Variants in PANK3 observed in about 807,000 individuals in gnomAD.
PANK3 encodes the protein hPanK3.
In PANK3, 20 loss-of-function variants were observed where a neutral mutation model predicts 39.4. The observed-to-expected ratio is 0.51, with a 90% CI of 0.36 to 0.74. The LOEUF (loss-of-function observed/expected upper bound fraction) is 0.74, where lower values mean the gene tolerates loss of function less well. Ranked by LOEUF, PANK3 falls within the 30% of genes least tolerant of loss-of-function variation. PANK3 has a pLI of 0.00. For synonymous variants in PANK3, 140 were observed against 157.3 expected (o/e 0.89, Z 0.82); for missense variants, 265 against 437.0 (o/e 0.61, Z 3.51).
chr5:168,565,887 T>TATATATATATATATATATATATA lies in PANK3; in HGVS notation c.635+125_635+126insTATATATATATATATATATATAT, dbSNP rs57306546. ...AAAAAAAATATATATATATATATAT[T>TATATATATATATATATATATATA]TTTTTTTTTTGCTGTTGTGCAAATA... On this transcript the variant is annotated intron_variant, in intron 3 of 6. Transcript: ENST00000239231. The TATATATATATATATATATATATA allele has an allele frequency of 2.0e-4, 30 of 147,938 alleles. 2 individuals are homozygous for TATATATATATATATATATATATA. The highest frequency in any genetic ancestry group is 1.1e-3 in the East Asian group (3 of 2,804). The allele number at this position is 147,938 out of a possible 1,614,324, so 9.2% of individuals were successfully genotyped here.
In PANK3 at chr5:168,552,259, T is replaced by C. The variant is rs774255533; in HGVS notation, c.*5312A>G. On this transcript the variant is annotated 3_prime_UTR_variant, in exon 7 of 7. Transcript: ENST00000239231. The stretch of plus-strand genomic sequence containing the variant: ...TAGAAATTGGCTGCTCAAAGTCCAA[T>C]TTTAGAAATGAAGTCAATGGAATCA... 1.3e-5 allele frequency: 2 copies of C among 152,186 alleles called. No homozygotes were observed. The highest frequency in any genetic ancestry group is 2.4e-5 in the African/African-American group (1 of 41,428). 9.4% of individuals were successfully genotyped at this position (152,186 alleles called of 1,614,324 possible).
chr5:168,561,304 T>C (rs1417359576), intron 5 of PANK3, 89 bp downstream of exon 5: 10 of 1,216,068 alleles, frequency 8.2e-6, no homozygotes, highest in Non-Finnish European at 1.1e-5. Context: ...GAGGCCTCCT[T>C]AGGGAAAGTG....
chr5:168,577,839 G>A (rs1759752005), intron 1 of PANK3, among the ~76,000 whole-genome samples: 1 of 152,184 alleles, frequency 6.6e-6, no homozygotes, highest in African/African-American at 2.4e-5. Flanking sequence ...TCTAAGAGAA[G>A]CAGAGAAAAC....
At chr5:168,571,162 G>A (rs1209671069) in intron 1 of PANK3, among the ~76,000 whole-genome samples, 2 of 152,166 alleles carry the variant, frequency 1.3e-5, no homozygotes, top group Non-Finnish European at 2.9e-5. Context: ...GTTTTACAAC[G>A]TGATTTCCTT....
At chr5:168,571,415 C>G (rs1030742086) in intron 1 of PANK3, among the ~76,000 whole-genome samples, 3 of 152,170 alleles carry the variant, frequency 2.0e-5, no homozygotes, top group South Asian at 2.1e-4. Context: ...AAGTGTACCA[C>G]TTAGACAAGG....
At position 168,551,445 on chromosome 5, in the gene PANK3, C is replaced by T. The variant is rs527613960; in HGVS notation, c.*6126G>A. On this transcript the variant is annotated 3_prime_UTR_variant, in exon 7 of 7. Coordinates refer to ENST00000239231, the MANE Select transcript of PANK3 (RefSeq NM_024594.4). ...CTATCAGTTTTCACATGGCTTTAAA[C>T]AGTGAATTTCTAAACTACATTCTCA... 1.3e-5 allele frequency: 2 copies of T among 152,278 alleles called. No individual in the cohort carries two copies. The highest frequency in any genetic ancestry group is 3.9e-4 in the East Asian group (2 of 5,188). The allele number at this position is 152,278 out of a possible 1,614,324, so 9.4% of individuals were successfully genotyped here.
At chr5:168,565,542 T>C (rs1459911444) in intron 3 of PANK3, among the ~76,000 whole-genome samples, 11 of 151,784 alleles carry the variant, frequency 7.2e-5, no homozygotes, top group Admixed American at 6.6e-4. Flanking sequence ...CATAATAAAG[T>C]TTAAAATCAA....
intron 1 of PANK3, among the ~76,000 whole-genome samples, chr5:168,573,416 CAAAAAAAAAAAAAAAAAAA>C (rs574960925): frequency 5.9e-5 from 1 of 16,938 alleles, no homozygotes; most frequent in Non-Finnish European, 1.0e-4. Context: ...CTCAGCAAGG[CAAAAAAAAAAAAAAAAAAA>C]AAAAAAAAAA....
At chr5:168,563,563 G>T (rs1221942615) in intron 4 of PANK3, among the ~76,000 whole-genome samples, 1 of 150,914 alleles carries the variant, frequency 6.6e-6, no homozygotes, top group East Asian at 1.9e-4. Flanking sequence ...TTTCTATATG[G>T]ATACTTTAGA....
In PANK3 at chr5:168,559,062, A is replaced by C; in HGVS notation, c.1032T>G (p.Gly344=). ...LAYALDYWSK[G]QLKALFLEHE... ...GTTCTAGAAACAATGCTTTTAGTTG[A>C]CCTTTTGACCAGTAATCCAGTGCAT... The change falls in exon 6 of 7, where the codon GGT becomes GGG. Residue 344 remains glycine (G), a synonymous_variant. Transcript: ENST00000239231. The C allele has an allele frequency of 5.0e-6, 8 of 1,609,468 alleles. No individual in the cohort carries two copies. In the South Asian group the frequency reaches 8.8e-5, roughly 18 times the overall value.
At chr5:168,568,593 T>C in intron 2 of PANK3, 53 bp downstream of exon 2, 1 of 1,286,086 alleles carries the variant, frequency 7.8e-7, no homozygotes, top group Admixed American at 2.0e-5. Flanking sequence ...GGAAACCTAC[T>C]CTCATATTTA....
At chr5:168,576,980 A>T (rs896448759) in intron 1 of PANK3, among the ~76,000 whole-genome samples, 1 of 151,968 alleles carries the variant, frequency 6.6e-6, no homozygotes, top group Non-Finnish European at 1.5e-5. Flanking sequence ...CCTGGGTTCC[A>T]GCAATTCTCC....
At chr5:168,571,766 A>G (rs1759634408) in intron 1 of PANK3, among the ~76,000 whole-genome samples, 1 of 152,196 alleles carries the variant, frequency 6.6e-6, no homozygotes, top group South Asian at 2.1e-4. Flanking sequence ...AAATTAGTAT[A>G]TAATTTTTAA....
At chr5:168,567,786 A>AT (rs1326790717) in intron 2 of PANK3, among the ~76,000 whole-genome samples, 2 of 151,972 alleles carry the variant, frequency 1.3e-5, no homozygotes, top group Non-Finnish European at 2.9e-5. Context: ...TGCTGAGCTA[A>AT]TTTTTTTATT....
chr5:168,565,518 GAAC>G (rs904352696), intron 3 of PANK3, among the ~76,000 whole-genome samples: 1 of 151,870 alleles, frequency 6.6e-6, no homozygotes, highest in African/African-American at 2.4e-5. Context: ...TTGGAAAAAA[GAAC>G]AAAATATAAA....
At position 168,569,008 on chromosome 5, in the gene PANK3, GAAAAAA is replaced by G. The variant is rs368234880; in HGVS notation, c.29-16_29-11del. Reference sequence around the variant, plus strand: ...CCAAACCATGGGAAAGCTATGGGAGGAAAAAAAAAAAAAAAAAAAAAAATATATATA... The same window carrying G: ...CCAAACCATGGGAAAGCTATGGGAGGAAAAAAAAAAAAAAAAATATATATA... On this transcript the variant is annotated splice_polypyrimidine_tract_variant and intron_variant, in intron 1 of 6. Transcript: ENST00000239231. The G allele has an allele frequency of 1.2e-3, 111 of 91,216 alleles. 1 individual carries two copies. Among genetic ancestry groups the G allele is most frequent in the South Asian group, 3.9e-3 (7 of 1,814 alleles). The allele number at this position is 91,216 out of a possible 1,614,324, so 5.7% of individuals were successfully genotyped here. A position where few individuals can be genotyped will look rare whatever the true frequency, so the allele number is the denominator to read the frequency against.
intron 3 of PANK3, 82 bp from the exon 4 acceptor site, chr5:168,564,147 A>G (rs1323813291): frequency 8.4e-7 from 1 of 1,191,188 alleles, no homozygotes; most frequent in African/African-American, 1.6e-5. Context: ...TCATTCATGT[A>G]TTCAATGAAC....
At chr5:168,567,744 T>C (rs1326600673) in intron 2 of PANK3, among the ~76,000 whole-genome samples, 4 of 152,110 alleles carry the variant, frequency 2.6e-5, no homozygotes, top group African/African-American at 9.7e-5. Context: ...ATCAGCCTCT[T>C]GAGTGGCTGG....
At chr5:168,568,549 G>T in intron 2 of PANK3, 97 bp downstream of exon 2, 1 of 928,520 alleles carries the variant, frequency 1.1e-6, no homozygotes, top group Non-Finnish European at 1.6e-6. Flanking sequence ...ATTTCCCACT[G>T]CATGTGCAGG....
Sources: allele counts gnomAD v4.1 joint callset (sites outside exome capture counted in the v4.1 genomes callset), GRCh38; gene constraint gnomAD v4.1.1; transcripts MANE v1.5; gene names NCBI Gene and HGNC (gene_info 2026-07-23, HGNC 2026-07-21).